GFM2: variants seen among roughly 807,000 people sequenced by gnomAD.
The protein encoded by GFM2 is GTP dependent ribosome recycling factor mitochondrial 2.
GFM2 carries 72 observed loss-of-function variants against 95.4 expected under a neutral mutation model. The ratio of observed to expected loss-of-function variants is 0.76; its 90% CI spans 0.62 to 0.92. GFM2 has a LOEUF of 0.92. GFM2 is among the 40% of genes least tolerant of loss of function. GFM2 has a pLI of 0.00. For synonymous variants in GFM2, 276 were observed against 317.5 expected, an observed-to-expected ratio of 0.87 and a Z score of 1.39; for missense variants, 825 against 924.1, an observed-to-expected ratio of 0.89 and a Z score of 1.39.
intron 14 of GFM2, among the ~76,000 whole-genome samples, chr5:74,737,930 A>C (rs1742913115): frequency 6.6e-6 from 1 of 152,152 alleles, no homozygotes; most frequent in Non-Finnish European, 1.5e-5. Context: ...TTACTAACAA[A>C]ACATTATAAC....
At chr5:74,743,591 A>G (rs1284662901) in intron 10 of GFM2, among the ~76,000 whole-genome samples, 1 of 152,210 alleles carries the variant, frequency 6.6e-6, no homozygotes, top group Non-Finnish European at 1.5e-5. Flanking sequence ...AGACATGGGC[A>G]AGTGTGTGTT....
At chr5:74,751,283 C>A in intron 6 of GFM2, 85 bp downstream of exon 6, 1 of 1,370,932 alleles carries the variant, frequency 7.3e-7, no homozygotes, top group Admixed American at 2.3e-5. Context: ...TTTTTTACCA[C>A]AATAAAAAGC....
chr5:74,754,613 A>C (rs548065716), intron 5 of GFM2, among the ~76,000 whole-genome samples: 1 of 152,316 alleles, frequency 6.6e-6, no homozygotes, highest in East Asian at 1.9e-4. Flanking sequence ...AAAAAAGACA[A>C]AGAGGGATAT....
At chr5:74,750,752 G>A (rs1324273605) in intron 6 of GFM2, 85 bp from the exon 7 acceptor site, 1 of 937,956 alleles carries the variant, frequency 1.1e-6, no homozygotes, top group African/African-American at 1.6e-5. Context: ...CTCCTGGGGA[G>A]GGGTGTGTGT....
chr5:74,748,917 TAA>T (rs199815347), intron 7 of GFM2, among the ~76,000 whole-genome samples: 11 of 115,044 alleles, frequency 9.6e-5, no homozygotes, highest in African/African-American at 3.8e-4. Flanking sequence ...AATAAAAAAA[TAA>T]AAAAAAATAA....
chr5:74,733,716 G>A lies in GFM2; in HGVS notation c.1511-618C>T, dbSNP rs145597154. 2.6e-5 allele frequency among the ~76,000 whole-genome samples: 4 copies of A among 152,220 alleles called. No individual in the cohort carries two copies. The East Asian group carries it at 7.7e-4, about 29-fold the overall frequency. On this transcript the variant is annotated intron_variant, in intron 15 of 20. Transcript: ENST00000296805. The stretch of plus-strand genomic sequence containing the variant: ...CGAAGCCACTGAAAGGTTTTAAGAG[G>A]AACAGTAACATCATCTGATTTTATT...
intron 16 of GFM2, among the ~76,000 whole-genome samples, chr5:74,732,612 T>C (rs1402597178): frequency 6.6e-6 from 1 of 152,132 alleles, no homozygotes; most frequent in Non-Finnish European, 1.5e-5. Flanking sequence ...TTGTAATCTA[T>C]CACTTCTCTC....
At chr5:74,739,401 T>A (rs947464573) in intron 12 of GFM2, among the ~76,000 whole-genome samples, 4 of 152,164 alleles carry the variant, frequency 2.6e-5, no homozygotes, top group African/African-American at 4.8e-5. Flanking sequence ...GATGAGATGT[T>A]AAGGAACTTG....
At chr5:74,732,907 G>C (rs574698928) in intron 16 of GFM2, 115 bp downstream of exon 16, 1 of 537,394 alleles carries the variant, frequency 1.9e-6, no homozygotes, top group East Asian at 3.2e-5. Flanking sequence ...TTTCTTTCAG[G>C]ACACAGACTT....
intron 5 of GFM2, among the ~76,000 whole-genome samples, chr5:74,756,054 C>T (rs1431766567): frequency 6.6e-6 from 1 of 152,120 alleles, no homozygotes; most frequent in African/African-American, 2.4e-5. Flanking sequence ...GATAGTTTAA[C>T]ATCTGCAAGT....
chr5:74,727,864 T>TA (rs1323699805), intron 17 of GFM2, among the ~76,000 whole-genome samples: 49 of 152,308 alleles, frequency 3.2e-4, no homozygotes, highest in African/African-American at 1.0e-3. Flanking sequence ...ATCTATCATG[T>TA]CAAAAAACTT....
chr5:74,738,325 A>G lies in GFM2; in HGVS notation c.1313T>C (p.Leu438Pro). 6.2e-7 allele frequency: 1 copy of G among 1,611,052 alleles called. No individual in the cohort carries two copies. The change falls in exon 14 of 21, where the codon CTT becomes CCT. Residue 438 changes from leucine to proline, a missense_variant. Physicochemically the swap from Leu to Pro is moderately conservative, Grantham distance 98. Coordinates refer to ENST00000296805, the MANE Select transcript of GFM2 (RefSeq NM_032380.5). The stretch of plus-strand genomic sequence containing the variant: ...AATCATTTGGTCACTTACATGTTTA[A>G]GCCCAACAGTCAAAGCAATGTTACC... The part of the protein sequence containing the change: ...TAGNIALTVG[L>P]KHTATGDTIV...
chr5:74,727,611 T>C (rs1230592267), intron 17 of GFM2, among the ~76,000 whole-genome samples: 1 of 152,224 alleles, frequency 6.6e-6, no homozygotes, highest in Non-Finnish European at 1.5e-5. Flanking sequence ...TGGTCTATAC[T>C]TGGTATTCAA....
chr5:74,743,957 C>A (rs1487048331), intron 10 of GFM2, among the ~76,000 whole-genome samples: 1 of 152,110 alleles, frequency 6.6e-6, no homozygotes, highest in African/African-American at 2.4e-5. Context: ...ACACAGTAGG[C>A]CCTCATTAAC....
In GFM2 at chr5:74,767,105, G is replaced by A. The variant is rs1744677881; in HGVS notation, c.-192C>T. 2 of 473,656 alleles carry A rather than the reference G, an allele frequency of 4.2e-6. No homozygotes were observed. Among genetic ancestry groups the A allele is most frequent in the African/African-American group, 2.0e-5 (1 of 50,680 alleles). The allele number at this position is 473,656 out of a possible 1,614,324, so 29.3% of individuals were successfully genotyped here. On this transcript the variant is annotated 5_prime_UTR_variant, in exon 1 of 21. Transcript: ENST00000296805. Reference sequence around the variant, plus strand: ...TAGGCTTTCTCCGCTCTACCGCCTCGGGCAGCCACACCTCCACACTTCCGG... The same window carrying A: ...TAGGCTTTCTCCGCTCTACCGCCTCAGGCAGCCACACCTCCACACTTCCGG...
chr5:74,745,420 T>C (rs935640366), intron 10 of GFM2, among the ~76,000 whole-genome samples: 2 of 152,098 alleles, frequency 1.3e-5, no homozygotes, highest in East Asian at 1.9e-4. Flanking sequence ...GAGAGAGAGA[T>C]GAACAAAAAA....
intron 19 of GFM2, 98 bp downstream of exon 19, chr5:74,725,542 A>AC (rs1248627709): frequency 1.3e-5 from 9 of 716,710 alleles, no homozygotes; most frequent in South Asian, 2.0e-5. Flanking sequence ...AGGCAAAGAC[A>AC]CAAGATAAGG....
rs1749953819 is a variant in GFM2 at position 74,722,559 on chromosome 5, A to C, written c.2031T>G (p.Ala677=). The C allele has an allele frequency of 1.2e-6, 2 of 1,604,454 alleles. No homozygotes were observed. The highest frequency in any genetic ancestry group is 1.7e-6 in the Non-Finnish European group (2 of 1,177,058). The change falls in exon 20 of 21, where the codon GCT becomes GCG. Residue 677 remains alanine, a splice_region_variant and synonymous_variant. Coordinates refer to ENST00000296805, the MANE Select transcript of GFM2 (RefSeq NM_032380.5). ...AAACTTGCTTATCAGCTTTCTTCAG[A>C]GCCTAAAGAAATTAAAGAATGTTAA... The part of the protein sequence containing the change: ...SACVSRCVQK[A]LKKADKQVLE...
At chr5:74,747,948 T>C (rs1743472995) in intron 7 of GFM2, among the ~76,000 whole-genome samples, 168 bp from the exon 8 acceptor site, 1 of 152,208 alleles carries the variant, frequency 6.6e-6, no homozygotes, top group African/African-American at 2.4e-5. Context: ...AGCTATCAAG[T>C]TAACACAGCC....
Sources: gnomAD v4.1 joint callset for allele counts (sites outside exome capture counted in the v4.1 genomes callset) on GRCh38, gnomAD v4.1.1 for gene constraint, MANE v1.5 for transcripts, NCBI Gene and HGNC (gene_info 2026-07-23, HGNC 2026-07-21) for gene names.